Variants in ZMAT4 observed in about 807,000 individuals in gnomAD.
ZMAT4 encodes the protein zinc finger matrin-type 4, also known as zinc finger matrin-type protein 4.
A neutral mutation model predicts 28.7 loss-of-function variants in ZMAT4; 17 were observed. The observed-to-expected ratio is 0.59, with a 90% CI of 0.41 to 0.89. The LOEUF (loss-of-function observed/expected upper bound fraction) is 0.89, where lower values mean the gene tolerates loss of function less well. Ranked by LOEUF, ZMAT4 falls within the 40% of genes least tolerant of loss-of-function variation. The pLI, the probability that ZMAT4 is intolerant of heterozygous loss-of-function variation, is 0.00. For synonymous variants in ZMAT4, 117 were observed against 109.2 expected, an observed-to-expected ratio of 1.07 and a Z score of -0.44; for missense variants, 240 against 283.8, an observed-to-expected ratio of 0.85 and a Z score of 1.11.
At chr8:40,681,161 C>T (rs1809147467) in intron 4 of ZMAT4, among the ~76,000 whole-genome samples, 2 of 152,118 alleles carry the variant, frequency 1.3e-5, no homozygotes, top group African/African-American at 4.8e-5. Context: ...TGGTAAAGAC[C>T]AGATCTCTGG....
intron 2 of ZMAT4, chr8:40,786,675 G>A (rs1392502349): frequency 3.1e-6 from 4 of 1,286,730 alleles, no homozygotes; most frequent in East Asian, 5.6e-5. Context: ...CAGTCCTTGT[G>A]CCTCCCAACT....
chr8:40,570,401 T>C (rs1253850627), intron 6 of ZMAT4, among the ~76,000 whole-genome samples: 2 of 152,140 alleles, frequency 1.3e-5, no homozygotes, highest in African/African-American at 2.4e-5. Flanking sequence ...TCGGTTTATT[T>C]AAAAGTAACT....
At chr8:40,839,190 T>C (rs140974666) in intron 1 of ZMAT4, among the ~76,000 whole-genome samples, 185 of 152,314 alleles carry the variant, frequency 1.2e-3, no homozygotes, top group African/African-American at 4.3e-3. Context: ...CCTCTGTGAC[T>C]CTGACCAGCA....
chr8:40,761,445 G>C (rs962963126), intron 3 of ZMAT4, among the ~76,000 whole-genome samples: 1 of 151,872 alleles, frequency 6.6e-6, no homozygotes, highest in Non-Finnish European at 1.5e-5. Flanking sequence ...CAGGCGCCCC[G>C]TCATGGTACA....
chr8:40,781,448 A>T (rs979903226), intron 2 of ZMAT4, among the ~76,000 whole-genome samples: 1 of 152,158 alleles, frequency 6.6e-6, no homozygotes, highest in Non-Finnish European at 1.5e-5. Flanking sequence ...GGATATATAG[A>T]TCAATGGAAT....
chr8:40,769,812 A>G (rs1813316415), intron 2 of ZMAT4, among the ~76,000 whole-genome samples: 1 of 151,886 alleles, frequency 6.6e-6, no homozygotes, highest in Admixed American at 6.6e-5. Context: ...CTTAATCTAA[A>G]GTATTCCATT....
chr8:40,739,036 C>T (rs1811891935), intron 3 of ZMAT4, among the ~76,000 whole-genome samples: 1 of 152,128 alleles, frequency 6.6e-6, no homozygotes, highest in South Asian at 2.1e-4. Flanking sequence ...CAAGAAATTG[C>T]ATTCAGTTGT....
chr8:40,777,612 G>A (rs921486267), intron 2 of ZMAT4, among the ~76,000 whole-genome samples: 2 of 152,240 alleles, frequency 1.3e-5, no homozygotes, highest in Non-Finnish European at 2.9e-5. Flanking sequence ...TGGGCAGAGG[G>A]GCGGAGGGCA....
chr8:40,639,771 T>TACACACACACACAC (rs10676366), intron 5 of ZMAT4, among the ~76,000 whole-genome samples: 21 of 146,460 alleles, frequency 1.4e-4, no homozygotes, highest in African/African-American at 5.0e-4. Flanking sequence ...GTCCTTTTGT[T>TACACACACACACAC]ACACACACAC....
intron 1 of ZMAT4, among the ~76,000 whole-genome samples, chr8:40,860,964 GC>G (rs1353791694): frequency 6.6e-6 from 1 of 152,178 alleles, no homozygotes; most frequent in Non-Finnish European, 1.5e-5. Flanking sequence ...CAAAAAAGGA[GC>G]AGATCTCAAG....
At chr8:40,782,516 A>T in intron 2 of ZMAT4, among the ~76,000 whole-genome samples, 1 of 152,162 alleles carries the variant, frequency 6.6e-6, no homozygotes, top group East Asian at 1.9e-4. Context: ...TGTGTAAACA[A>T]TTTTTTCGAC....
At chr8:40,755,746 C>G (rs903201285) in intron 3 of ZMAT4, among the ~76,000 whole-genome samples, 1 of 152,192 alleles carries the variant, frequency 6.6e-6, no homozygotes, top group Non-Finnish European at 1.5e-5. Context: ...AACCACTGCA[C>G]CCAGCCTGAA....
chr8:40,573,768 G>A (rs1804175022), intron 6 of ZMAT4, among the ~76,000 whole-genome samples: 1 of 151,946 alleles, frequency 6.6e-6, no homozygotes, highest in Non-Finnish European at 1.5e-5. Flanking sequence ...CATGAGCAAG[G>A]GCATGGAAAG....
chr8:40,744,715 G>A (rs1197282768), intron 3 of ZMAT4, among the ~76,000 whole-genome samples: 1 of 152,188 alleles, frequency 6.6e-6, no homozygotes, highest in Non-Finnish European at 1.5e-5. Context: ...GGCATAAAAT[G>A]ATAGACCCCC....
At chr8:40,591,864 C>A (rs531538309) in intron 5 of ZMAT4, among the ~76,000 whole-genome samples, 9 of 151,946 alleles carry the variant, frequency 5.9e-5, no homozygotes, top group Non-Finnish European at 1.3e-4. Context: ...GATGAGAAAA[C>A]CATGGTTCAA....
chr8:40,790,903 C>A (rs1055001866), intron 2 of ZMAT4, among the ~76,000 whole-genome samples: 2 of 152,148 alleles, frequency 1.3e-5, no homozygotes, highest in African/African-American at 4.8e-5. Flanking sequence ...CTATGGTAAT[C>A]AAGACAGTGT....
intron 1 of ZMAT4, among the ~76,000 whole-genome samples, chr8:40,835,859 T>A (rs1183493264): frequency 6.6e-6 from 1 of 152,226 alleles, no homozygotes; most frequent in African/African-American, 2.4e-5. Flanking sequence ...CATATTAACT[T>A]GACTGGGCTT....
At chr8:40,691,260 T>G (rs1809650062) in intron 4 of ZMAT4, among the ~76,000 whole-genome samples, 1 of 152,176 alleles carries the variant, frequency 6.6e-6, no homozygotes, top group South Asian at 2.1e-4. Context: ...GCAAAGCTTA[T>G]TTTCTCAGTA....
intron 2 of ZMAT4, among the ~76,000 whole-genome samples, chr8:40,786,378 A>G (rs369076108): frequency 5.6e-4 from 85 of 152,336 alleles, no homozygotes; most frequent in African/African-American, 2.0e-3. Context: ...AAGTTATGCT[A>G]TATTTCAGCT....
Sources: allele counts gnomAD v4.1 joint callset (sites outside exome capture counted in the v4.1 genomes callset), GRCh38; gene constraint gnomAD v4.1.1; transcripts MANE v1.5; gene names NCBI Gene and HGNC (gene_info 2026-07-23, HGNC 2026-07-21).